PHTF2: variants seen among roughly 807,000 people sequenced by gnomAD.
PHTF2 encodes putative homeodomain transcription factor 2, also known as protein PHTF2.
A neutral mutation model predicts 101.2 loss-of-function variants in PHTF2; 60 were observed. That is an observed-to-expected ratio of 0.59 (90% CI 0.48 to 0.73). The LOEUF (loss-of-function observed/expected upper bound fraction) is 0.73, where lower values mean the gene tolerates loss of function less well. Among genes scored for constraint, PHTF2 ranks in the 30% least tolerant of loss-of-function variants. The pLI is 0.00. For missense variants in PHTF2, 747 were observed against 908.7 expected (o/e 0.82, Z 2.29); for synonymous variants, 311 against 307.3 (o/e 1.01, Z -0.13).
At chr7:77,875,432 C>A (rs2150731150) in intron 3 of PHTF2, among the ~76,000 whole-genome samples, 1 of 152,040 alleles carries the variant, frequency 6.6e-6, no homozygotes, top group Non-Finnish European at 1.5e-5. Context: ...TATTTCCAGG[C>A]TTGTTATAAG....
At chr7:77,824,156 G>T (rs1794524446) in intron 1 of PHTF2, among the ~76,000 whole-genome samples, 1 of 152,026 alleles carries the variant, frequency 6.6e-6, no homozygotes, top group Admixed American at 6.5e-5. Context: ...AGTGGTGGGA[G>T]GTGGGAAAGG....
chr7:77,883,368 C>T (rs575830216), intron 3 of PHTF2, among the ~76,000 whole-genome samples: 241 of 152,126 alleles, frequency 1.6e-3, no homozygotes, highest in Non-Finnish European at 2.4e-4. Context: ...GTCAAATGTT[C>T]ATCATGACCA....
chr7:77,926,498 C>A (rs1804013532), intron 11 of PHTF2, among the ~76,000 whole-genome samples: 1 of 152,110 alleles, frequency 6.6e-6, no homozygotes, highest in Non-Finnish European at 1.5e-5. Flanking sequence ...GATTCACAGT[C>A]CCCATTCTAA....
chr7:77,829,228 G>A (rs1236564276), intron 1 of PHTF2, among the ~76,000 whole-genome samples: 1 of 152,132 alleles, frequency 6.6e-6, no homozygotes, highest in East Asian at 1.9e-4. Context: ...TTTTGTAACA[G>A]CACAAAACAC....
chr7:77,872,060 A>T, intron 3 of PHTF2, among the ~76,000 whole-genome samples: 1 of 152,218 alleles, frequency 6.6e-6, no homozygotes, highest in East Asian at 1.9e-4. Flanking sequence ...GAATGGTGCC[A>T]TATGGAGGGC....
intron 9 of PHTF2, among the ~76,000 whole-genome samples, chr7:77,920,000 A>G (rs1803294710): frequency 6.6e-6 from 1 of 152,164 alleles, no homozygotes; most frequent in Non-Finnish European, 1.5e-5. Context: ...ATTTTGTTCA[A>G]AGACCAGATG....
At chr7:77,888,806 A>C (rs922738866) in intron 3 of PHTF2, among the ~76,000 whole-genome samples, 4 of 152,158 alleles carry the variant, frequency 2.6e-5, no homozygotes, top group African/African-American at 9.7e-5. Flanking sequence ...ATGTGACTCA[A>C]TCAAGTCTGC....
At chr7:77,954,179 G>A (rs1361153318) in intron 19 of PHTF2, among the ~76,000 whole-genome samples, 2 of 151,992 alleles carry the variant, frequency 1.3e-5, no homozygotes, top group Non-Finnish European at 2.9e-5. Context: ...TGTTGCCCAG[G>A]CTGGTGTGCA....
intron 1 of PHTF2, among the ~76,000 whole-genome samples, chr7:77,807,398 A>G (rs117509645): frequency 0.012 from 1,853 of 152,118 alleles, 15 homozygotes; most frequent in Middle Eastern, 0.031. Flanking sequence ...AGCCATCCTA[A>G]TGGATGTAAG....
intron 9 of PHTF2, among the ~76,000 whole-genome samples, chr7:77,915,506 C>G (rs1435558258): frequency 6.6e-6 from 1 of 152,118 alleles, no homozygotes; most frequent in Admixed American, 6.5e-5. Flanking sequence ...CCACCATGCC[C>G]GGCTTGTTTT....
intron 9 of PHTF2, among the ~76,000 whole-genome samples, chr7:77,917,531 C>T (rs756206953): frequency 2.6e-5 from 4 of 152,150 alleles, no homozygotes; most frequent in Admixed American, 2.0e-4. Flanking sequence ...TACAATCCTG[C>T]GGGGTTCATT....
chr7:77,898,283 A>G (rs1801063439), intron 5 of PHTF2, among the ~76,000 whole-genome samples: 1 of 152,174 alleles, frequency 6.6e-6, no homozygotes, highest in Non-Finnish European at 1.5e-5. Context: ...ATTAGGATTC[A>G]GATTAGTCAG....
chr7:77,912,748 T>C (rs1802524010), intron 9 of PHTF2, among the ~76,000 whole-genome samples: 2 of 98,574 alleles, frequency 2.0e-5, no homozygotes, highest in African/African-American at 1.0e-4. Flanking sequence ...TTTTTTTTTT[T>C]TGAGACAGGG....
chr7:77,953,605 T>C (rs1249111236), intron 18 of PHTF2, among the ~76,000 whole-genome samples, 164 bp from the exon 18 acceptor site: 7 of 152,240 alleles, frequency 4.6e-5, no homozygotes, highest in Admixed American at 3.3e-4. Context: ...AAAACTATTA[T>C]TGAAATTTAC....
chr7:77,860,398 C>T (rs1260654193), intron 3 of PHTF2, among the ~76,000 whole-genome samples: 1 of 152,192 alleles, frequency 6.6e-6, no homozygotes, highest in Non-Finnish European at 1.5e-5. Context: ...TTATACACAA[C>T]AATTTAAAGT....
chr7:77,893,794 A>G, intron 4 of PHTF2, 130 bp downstream of exon 3: 1 of 618,886 alleles, frequency 1.6e-6, no homozygotes, highest in South Asian at 2.3e-5. Context: ...TTAAAGAAAG[A>G]AGTAAACTTT....
chr7:77,928,024 GA>G (rs1443146614), intron 11 of PHTF2, among the ~76,000 whole-genome samples: 1 of 152,194 alleles, frequency 6.6e-6, no homozygotes, highest in African/African-American at 2.4e-5. Context: ...GGTTAATCTG[GA>G]AAGAAGAGGA....
At chr7:77,923,316 A>G in intron 11 of PHTF2, 1 of 941,812 alleles carries the variant, frequency 1.1e-6, no homozygotes, top group Non-Finnish European at 1.3e-6. Flanking sequence ...TTGTATTTTC[A>G]GTTTCTAATC....
chr7:77,950,478 A>G (rs1400781195), intron 17 of PHTF2, among the ~76,000 whole-genome samples: 4 of 151,920 alleles, frequency 2.6e-5, no homozygotes, highest in Non-Finnish European at 5.9e-5. Context: ...CTGGCCAACA[A>G]GGTGAAACCC....
Sources: allele counts gnomAD v4.1 joint callset (sites outside exome capture counted in the v4.1 genomes callset), GRCh38; gene constraint gnomAD v4.1.1; transcripts MANE v1.5; gene names NCBI Gene and HGNC (gene_info 2026-07-23, HGNC 2026-07-21).